Variants in MTCL1 observed in about 807,000 individuals in gnomAD.
MTCL1 encodes microtubule cross-linking factor 1.
A neutral mutation model predicts 141.4 loss-of-function variants in MTCL1; 79 were observed. The ratio of observed to expected loss-of-function variants is 0.56; its 90% CI spans 0.47 to 0.67. The LOEUF (loss-of-function observed/expected upper bound fraction) is 0.67, where lower values mean the gene tolerates loss of function less well. MTCL1 is among the 30% of genes least tolerant of loss of function. The probability of loss-of-function intolerance (pLI) is 0.00; values close to 1 mark genes in which losing one functional copy is unlikely to be tolerated. For missense variants in MTCL1, 2,177 were observed against 2,113.9 expected (o/e 1.03, Z -0.59); for synonymous variants, 914 against 875.8 (o/e 1.04, Z -0.77).
chr18:8,812,155 A>G (rs1156844990), intron 11 of MTCL1, among the ~76,000 whole-genome samples: 1 of 152,212 alleles, frequency 6.6e-6, no homozygotes, highest in African/African-American at 2.4e-5. Context: ...TGAGTTTTAT[A>G]TTTACATAGA....
intron 4 of MTCL1, among the ~76,000 whole-genome samples, chr18:8,746,160 C>G (rs1260260423): frequency 1.3e-5 from 2 of 152,186 alleles, no homozygotes; most frequent in African/African-American, 2.4e-5. Flanking sequence ...TTAGGTTGCC[C>G]TCACCTATGT....
At chr18:8,717,630 A>G (rs2096137604) in intron 1 of MTCL1, 1 of 152,692 alleles carries the variant, frequency 6.5e-6, no homozygotes, top group South Asian at 2.1e-4. Context: ...GTGTGTCTCC[A>G]CTTACATCTG....
chr18:8,824,229 G>A (rs920352130), intron 14 of MTCL1, among the ~76,000 whole-genome samples: 67 of 152,218 alleles, frequency 4.4e-4, no homozygotes, highest in South Asian at 6.2e-4. Context: ...GGCATTCAGC[G>A]AACTCATGGC....
At chr18:8,824,605 C>T in intron 14 of MTCL1, 94 bp from the exon 14 acceptor site, 1 of 1,126,628 alleles carries the variant, frequency 8.9e-7, no homozygotes, top group Non-Finnish European at 1.3e-6. Flanking sequence ...CGGGTGCCTT[C>T]ACTGACACTT....
chr18:8,766,085 T>C (rs1224083400), intron 4 of MTCL1, among the ~76,000 whole-genome samples: 3 of 151,790 alleles, frequency 2.0e-5, no homozygotes, highest in Non-Finnish European at 4.4e-5. Context: ...CAACAACATC[T>C]GGATTTTCTC....
chr18:8,754,782 A>G (rs926059915), intron 4 of MTCL1, among the ~76,000 whole-genome samples: 1 of 151,980 alleles, frequency 6.6e-6, no homozygotes, highest in African/African-American at 2.4e-5. Context: ...CTTGTTCTCC[A>G]TTTCTTGGTC....
At chr18:8,733,980 C>T (rs920671238) in intron 4 of MTCL1, among the ~76,000 whole-genome samples, 2 of 151,684 alleles carry the variant, frequency 1.3e-5, no homozygotes, top group Admixed American at 6.6e-5. Context: ...TATTTGTAAA[C>T]GAGGTTACTC....
chr18:8,719,755 AGACAGGGTCTCAC>A (rs564663819), intron 3 of MTCL1, among the ~76,000 whole-genome samples: 25 of 152,080 alleles, frequency 1.6e-4, no homozygotes, highest in Admixed American at 6.6e-5. Context: ...ATTTTTTTAG[AGACAGGGTCTCAC>A]TGTGTTTCCC....
At chr18:8,710,384 G>T (rs889811962) in intron 1 of MTCL1, among the ~76,000 whole-genome samples, 2 of 151,508 alleles carry the variant, frequency 1.3e-5, no homozygotes, top group African/African-American at 4.9e-5. Flanking sequence ...AATACATTTG[G>T]AAGTATTCAG....
chr18:8,768,887 G>A (rs1478991315), intron 4 of MTCL1, among the ~76,000 whole-genome samples: 2 of 149,306 alleles, frequency 1.3e-5, no homozygotes, highest in African/African-American at 5.0e-5. Context: ...CACCTCCCAG[G>A]TTCAAGCAAT....
At chr18:8,752,766 C>T (rs2096378250) in intron 4 of MTCL1, among the ~76,000 whole-genome samples, 1 of 152,200 alleles carries the variant, frequency 6.6e-6, no homozygotes, top group South Asian at 2.1e-4. Context: ...GGGGTTCAGG[C>T]ACCCTATTGC....
At chr18:8,785,682 C>T in intron 6 of MTCL1, 1 of 492,526 alleles carries the variant, frequency 2.0e-6, no homozygotes. Context: ...TCTCTTTTTG[C>T]TTTTCAGATG....
At chr18:8,823,793 G>A (rs578156334) in intron 14 of MTCL1, among the ~76,000 whole-genome samples, 8 of 152,214 alleles carry the variant, frequency 5.3e-5, no homozygotes, top group Non-Finnish European at 1.2e-4. Flanking sequence ...CTGGTTCTGT[G>A]TACCAGCGCA....
upstream of MTCL1, chr18:8,705,647 C>G: frequency 1.7e-6 from 2 of 1,211,054 alleles, no homozygotes; most frequent in Non-Finnish European, 2.0e-6. The surrounding 1 kb of genome is among the most constrained non-coding windows in gnomAD (Gnocchi z 5.2). Context: ...GAGCTGCTGC[C>G]GGCGGACCCG....
At chr18:8,758,920 C>T (rs1233885857) in intron 4 of MTCL1, among the ~76,000 whole-genome samples, 1 of 152,216 alleles carries the variant, frequency 6.6e-6, no homozygotes, top group South Asian at 2.1e-4. Flanking sequence ...TCCCTTTCCC[C>T]CTCCACTTAC....
chr18:8,752,013 G>C (rs1337539362), intron 4 of MTCL1, among the ~76,000 whole-genome samples: 2 of 152,178 alleles, frequency 1.3e-5, no homozygotes, highest in African/African-American at 4.8e-5. Flanking sequence ...TCAAAAGAAG[G>C]CCCCAGAGGG....
intron 12 of MTCL1, 32 bp from the exon 12 acceptor site, chr18:8,818,931 G>A (rs192293312): frequency 3.2e-6 from 5 of 1,586,530 alleles, no homozygotes; most frequent in South Asian, 1.1e-5. Flanking sequence ...AGAAAAGTGA[G>A]GCTAATTATT....
At chr18:8,778,018 G>A (rs1338120780) in intron 5 of MTCL1, 126 bp downstream of exon 4, 17 of 795,012 alleles carry the variant, frequency 2.1e-5, no homozygotes, top group South Asian at 5.4e-5. Context: ...GCCCAAACAC[G>A]TGGACTCATT....
rs1360246316 is a variant in MTCL1, at chr18:8,770,409, G to A, written c.358-7424G>A. Among the ~76,000 whole-genome samples the A allele has an allele frequency of 2.6e-5, 4 of 152,330 alleles. No individual in the cohort carries two copies. The East Asian group carries it at 5.8e-4, about 22-fold the overall frequency. On this transcript the variant is annotated intron_variant, in intron 4 of 16. Coordinates refer to ENST00000359865, the Ensembl canonical transcript of MTCL1. ...AGTTCTGGAAGCCTCAGAGTCCAGGGTTGAGTTGGGTTCTGGTGAGGACCT... is the reference window on the plus strand; with the variant it reads ...AGTTCTGGAAGCCTCAGAGTCCAGGATTGAGTTGGGTTCTGGTGAGGACCT...
Sources: allele counts gnomAD v4.1 joint callset (sites outside exome capture counted in the v4.1 genomes callset), GRCh38; gene constraint gnomAD v4.1.1; non-coding constraint Gnocchi (gnomAD v3.1); transcripts MANE v1.5; gene names NCBI Gene and HGNC (gene_info 2026-07-23, HGNC 2026-07-21).